The following LURAP1 variants were observed in gnomAD, a reference collection of about 807,000 sequenced individuals.
LURAP1 encodes the protein leucine rich adaptor protein 1.
Under a neutral mutation model 19.0 loss-of-function variants are expected in LURAP1, and 14 were observed. That is an observed-to-expected ratio of 0.74 (90% CI 0.49 to 1.15). The LOEUF is 1.15. Ranked by LOEUF, LURAP1 falls within the 50% of genes most tolerant of loss-of-function variation. LURAP1 has a pLI of 0.00. For synonymous variants in LURAP1, 129 were observed against 131.8 expected, an observed-to-expected ratio of 0.98 and a Z score of 0.14; for missense variants, 273 against 309.1, an observed-to-expected ratio of 0.88 and a Z score of 0.87.
intron 1 of LURAP1, among the ~76,000 whole-genome samples, chr1:46,214,295 G>A (rs1249122066): frequency 2.0e-5 from 3 of 150,270 alleles, no homozygotes; most frequent in African/African-American, 4.9e-5. Flanking sequence ...GCAGTGAGCC[G>A]AGATCGTGCC....
intron 1 of LURAP1, among the ~76,000 whole-genome samples, chr1:46,206,325 A>G (rs7538871): frequency 0.33 from 50,728 of 151,932 alleles, 8,603 homozygotes; most frequent in South Asian, 0.44. Context: ...AAGAACCTTT[A>G]TAGTAACAAT....
Position 46,203,342 on chromosome 1 carries a change from T to C in LURAP1, c.-85T>C, listed in dbSNP as rs1463751767. Reference sequence around the variant, plus strand: ...GCGGGCGGGGACCCACCGGTTTTGCTCCGCTTTAGCAGCGGCGAAGGGAGG... The same window carrying C: ...GCGGGCGGGGACCCACCGGTTTTGCCCCGCTTTAGCAGCGGCGAAGGGAGG... On this transcript the variant is annotated 5_prime_UTR_variant, in exon 1 of 2. Coordinates refer to ENST00000371980, the MANE Select transcript of LURAP1 (RefSeq NM_001013615.3). The C allele has an allele frequency of 1.5e-6, 2 of 1,301,578 alleles. No individual in the cohort carries two copies. Among genetic ancestry groups the C allele is most frequent in the Non-Finnish European group, 2.0e-6 (2 of 983,546 alleles). The allele number at this position is 1,301,578 out of a possible 1,614,324, so 80.6% of individuals were successfully genotyped here. A position where few individuals can be genotyped will look rare whatever the true frequency, so the allele number is the denominator to read the frequency against.
intron 1 of LURAP1, among the ~76,000 whole-genome samples, chr1:46,212,887 G>A (rs1658947244): frequency 6.6e-6 from 1 of 151,992 alleles, no homozygotes; most frequent in Non-Finnish European, 1.5e-5. Flanking sequence ...AGCCTCCTGA[G>A]TAGCTGGGAC....
Position 46,220,121 on chromosome 1 carries a change from A to G in LURAP1, c.621A>G (p.Gln207=). 1.2e-6 allele frequency: 2 copies of G among 1,614,218 alleles called. No homozygotes were observed. Among genetic ancestry groups the G allele is most frequent in the Non-Finnish European group, 1.7e-6 (2 of 1,180,044 alleles). Residue 207 remains glutamine (Q), a synonymous_variant, in exon 2 of 2, where the codon CAA becomes CAG. Transcript: ENST00000371980. ...GGAAGCCCCCAGGGGAGAGGCTTCA[A>G]GGTGGACCACCTGAGTCACCAGAGG... ...AVWKPPGERL[Q]GGPPESPEDE...
intron 1 of LURAP1, among the ~76,000 whole-genome samples, chr1:46,211,119 T>C (rs1302719335): frequency 6.6e-6 from 1 of 152,068 alleles, no homozygotes; most frequent in African/African-American, 2.4e-5. Flanking sequence ...TTGTCCACGA[T>C]TGAAACATGG....
rs141890499 is a variant in LURAP1, at chr1:46,219,871, G to A, written c.371G>A (p.Arg124Gln). Residue 124 changes from arginine to glutamine, a missense_variant, in exon 2 of 2, where the codon CGA (arginine) becomes CAA (glutamine). By Grantham distance (43) the Arg-to-Gln change is conservative. Coordinates refer to ENST00000371980, the MANE Select transcript of LURAP1 (RefSeq NM_001013615.3). ...LTGGSPGRSRRGSWDSLPDTS... is the reference protein window; with the variant it reads ...LTGGSPGRSRQGSWDSLPDTS... ...GGCGGGAGCCCAGGCCGCTCAAGGC[G>A]AGGCAGCTGGGACAGCCTGCCAGAC... 9.9e-6 allele frequency: 16 copies of A among 1,613,802 alleles called. No individual in the cohort carries two copies. Among genetic ancestry groups the A allele is most frequent in the African/African-American group, 4.0e-5 (3 of 74,952 alleles).
intron 1 of LURAP1, among the ~76,000 whole-genome samples, chr1:46,210,617 C>T (rs1658863054): frequency 6.6e-6 from 1 of 152,062 alleles, no homozygotes; most frequent in Non-Finnish European, 1.5e-5. Flanking sequence ...CAGGGAAACA[C>T]ATTTACTGGT....
At chr1:46,217,996 A>C (rs1659119801) in intron 1 of LURAP1, among the ~76,000 whole-genome samples, 1 of 152,220 alleles carries the variant, frequency 6.6e-6, no homozygotes, top group African/African-American at 2.4e-5. Flanking sequence ...ACAACTAAAT[A>C]AATAATAATA....
At chr1:46,215,621 G>A (rs888579876) in intron 1 of LURAP1, among the ~76,000 whole-genome samples, 3 of 152,228 alleles carry the variant, frequency 2.0e-5, no homozygotes. Context: ...CATGGAGGCT[G>A]GGTGCCATGG....
At chr1:46,215,927 G>T (rs1218805662) in intron 1 of LURAP1, among the ~76,000 whole-genome samples, 1 of 151,616 alleles carries the variant, frequency 6.6e-6, no homozygotes, top group Non-Finnish European at 1.5e-5. Flanking sequence ...ATGGAACAAT[G>T]CCTTAACCCC....
At chr1:46,218,737 C>T (rs1659140924) in intron 1 of LURAP1, among the ~76,000 whole-genome samples, 1 of 152,092 alleles carries the variant, frequency 6.6e-6, no homozygotes, top group Non-Finnish European at 1.5e-5. Context: ...GTCAAATTTA[C>T]TTCCAGTACA....
intron 1 of LURAP1, among the ~76,000 whole-genome samples, chr1:46,204,243 TCA>T (rs1317014912): frequency 2.0e-5 from 3 of 152,142 alleles, no homozygotes; most frequent in Non-Finnish European, 2.9e-5. Context: ...CGCCTCAGAC[TCA>T]GTCTCCTCCC....
intron 1 of LURAP1, among the ~76,000 whole-genome samples, chr1:46,212,315 A>C (rs1571687667): frequency 6.9e-6 from 1 of 144,364 alleles, no homozygotes; most frequent in Non-Finnish European, 1.5e-5. Flanking sequence ...GAGTCTTGCT[A>C]TGTCATCCAG....
At chr1:46,205,881 G>A (rs1446225547) in intron 1 of LURAP1, among the ~76,000 whole-genome samples, 1 of 152,232 alleles carries the variant, frequency 6.6e-6, no homozygotes, top group Non-Finnish European at 1.5e-5. Context: ...ACTGAAGGCA[G>A]GACTGGTTCA....
At chr1:46,214,867 C>CA (rs5773905) in intron 1 of LURAP1, among the ~76,000 whole-genome samples, 71,926 of 88,772 alleles carry the variant, frequency 0.81, 30,136 homozygotes, top group Middle Eastern at 0.9. Flanking sequence ...GACTCCATCT[C>CA]AAAAAAAAAA....
At position 46,219,726 on chromosome 1, in the gene LURAP1, A is replaced by G; in HGVS notation, c.226A>G (p.Ile76Val). Reference protein sequence around the residue: ...LAYLRAIDVKILQQLVTLNEG... With the variant: ...LAYLRAIDVKVLQQLVTLNEG... ...TTACCTGCGAGCCATCGATGTGAAG[A>G]TCCTGCAGCAGCTGGTGACCTTGAA... Residue 76 changes from isoleucine (I) to valine (V), a missense_variant, in exon 2 of 2, where the codon ATC becomes GTC. Ile to Val is a conservative substitution (Grantham distance 29). Coordinates refer to ENST00000371980, the MANE Select transcript of LURAP1 (RefSeq NM_001013615.3). The G allele has an allele frequency of 6.2e-7, 1 of 1,604,248 alleles. No homozygotes were observed. The highest frequency in any genetic ancestry group is 8.5e-7 in the Non-Finnish European group (1 of 1,174,470).
chr1:46,216,434 C>T (rs1421120619), intron 1 of LURAP1, among the ~76,000 whole-genome samples: 1 of 152,132 alleles, frequency 6.6e-6, no homozygotes, highest in African/African-American at 2.4e-5. Flanking sequence ...CTTGACCCCC[C>T]AGGCTCAAGC....
intron 1 of LURAP1, among the ~76,000 whole-genome samples, chr1:46,219,246 G>A (rs192627420): frequency 2.2e-4 from 33 of 150,502 alleles, no homozygotes; most frequent in African/African-American, 7.3e-4. Context: ...GGTGAGCTGA[G>A]ATCGCGCCAT....
chr1:46,207,126 G>A (rs778973651), intron 1 of LURAP1, among the ~76,000 whole-genome samples: 17 of 151,848 alleles, frequency 1.1e-4, no homozygotes, highest in Admixed American at 7.2e-4. Context: ...CATCACCCAG[G>A]CTGGAGTGCA....
Sources: gnomAD v4.1 joint callset for allele counts (sites outside exome capture counted in the v4.1 genomes callset) on GRCh38, gnomAD v4.1.1 for gene constraint, MANE v1.5 for transcripts, NCBI Gene and HGNC (gene_info 2026-07-23, HGNC 2026-07-21) for gene names.